Variants in ACSM2A observed in about 807,000 individuals in gnomAD.
ACSM2A encodes the protein acyl-coenzyme A synthetase ACSM2A, mitochondrial.
In ACSM2A, 72 loss-of-function variants were observed where a neutral mutation model predicts 76.6. The ratio of observed to expected loss-of-function variants is 0.94; its 90% confidence interval spans 0.78 to 1.14. The LOEUF is 1.14. ACSM2A is among the 50% of genes most tolerant of loss of function. The probability of loss-of-function intolerance (pLI) is 0.00; values close to 1 mark genes in which losing one functional copy is unlikely to be tolerated. For synonymous variants in ACSM2A, 249 were observed against 255.9 expected, an observed-to-expected ratio of 0.97 and a Z score of 0.26; for missense variants, 684 against 708.5, an observed-to-expected ratio of 0.97 and a Z score of 0.39.
Position 20,471,627 on chromosome 16 carries a change from G to C in ACSM2A, c.832G>C (p.Ala278Pro). 3 of 1,614,044 alleles carry C rather than the reference G, an allele frequency of 1.9e-6. No individual in the cohort carries two copies. The highest frequency in any genetic ancestry group is 2.7e-5 in the African/African-American group (2 of 75,026). The change falls in exon 6 of 14, where the codon GCA becomes CCA. Residue 278 changes from alanine to proline, a missense_variant. Transcript: ENST00000573854. The stretch of plus-strand genomic sequence containing the variant: ...CTTGTGCTCACTTATGGAACCTTGG[G>C]CATTAGGAGCATGCACATTTGTTCA... ...NILCSLMEPW[A>P]LGACTFVHLL...
chr16:20,458,193 T>C (rs2012311026), intron 1 of ACSM2A, among the ~76,000 whole-genome samples: 1 of 151,522 alleles, frequency 6.6e-6, no homozygotes, highest in East Asian at 1.9e-4. Flanking sequence ...TGCTCATGGA[T>C]GGGTAGAATA....
intron 4 of ACSM2A, chr16:20,470,836 A>G: frequency 1.5e-6 from 1 of 689,608 alleles, no homozygotes; most frequent in Non-Finnish European, 2.6e-6. Flanking sequence ...AGACACAGAG[A>G]CGTTAAATAA....
chr16:20,462,487 A>G (rs2012685557), intron 2 of ACSM2A, among the ~76,000 whole-genome samples: 1 of 152,232 alleles, frequency 6.6e-6, no homozygotes, highest in Admixed American at 6.5e-5. Context: ...CAACTCTATT[A>G]GCAAGGCTGT....
In ACSM2A at chr16:20,478,669, G is replaced by C. The variant is rs370024696; in HGVS notation, c.1273G>C (p.Gly425Arg). 9 of 1,611,748 alleles carry C rather than the reference G, an allele frequency of 5.6e-6. No homozygotes were observed. Among genetic ancestry groups the C allele is most frequent in the Non-Finnish European group, 7.6e-6 (9 of 1,178,406 alleles). ...KPIRPIGIFS[G>R]YVDNPDKTAA... Reference sequence around the variant, plus strand: ...CATCAGGCCTATAGGCATCTTCTCTGGCTATGTGGTGAGAAACTGTGCTCC... The same window carrying C: ...CATCAGGCCTATAGGCATCTTCTCTCGCTATGTGGTGAGAAACTGTGCTCC... The change falls in exon 10 of 14, where the codon GGC becomes CGC. Residue 425 changes from glycine (G) to arginine (R), a missense_variant. This residue lies in a region of ACSM2A where 519 missense variants were observed against 549.5 expected (regional missense o/e 0.94). Coordinates refer to ENST00000573854, the MANE Select transcript of ACSM2A (RefSeq NM_001308172.2).
At chr16:20,482,514 G>A (rs1389153873) in intron 12 of ACSM2A, 3 of 153,422 alleles carry the variant, frequency 2.0e-5, no homozygotes, top group Non-Finnish European at 4.4e-5. Context: ...TGTAAGCCTG[G>A]CACTATCATA....
chr16:20,478,659 C>A lies in ACSM2A; in HGVS notation c.1263C>A (p.Gly421=). The part of the protein sequence containing the change: ...GIRVKPIRPI[G]IFSGYVDNPD... ...GGGTCAAACCCATCAGGCCTATAGG[C>A]ATCTTCTCTGGCTATGTGGTGAGAA... is the stretch of plus-strand genomic sequence containing the variant. Residue 421 remains glycine (G), a synonymous_variant, in exon 10 of 14, where the codon GGC becomes GGA. Transcript: ENST00000573854. The A allele has an allele frequency of 6.2e-7, 1 of 1,613,066 alleles. No individual in the cohort carries two copies. Among genetic ancestry groups the A allele is most frequent in the Non-Finnish European group, 8.5e-7 (1 of 1,179,272 alleles).
rs1244356706 is a variant in ACSM2A at position 20,478,634 on chromosome 16, G to T, written c.1238G>T (p.Arg413Met). ...GGCACAGAAGGAGACATTGGCATCA[G>T]GGTCAAACCCATCAGGCCTATAGGC... ...PPGTEGDIGI[R>M]VKPIRPIGIF... is the part of the protein sequence containing the mutation. The change falls in exon 10 of 14, where the codon AGG becomes ATG. Residue 413 changes from arginine to methionine, a missense_variant. Physicochemically the swap from Arg to Met is moderately conservative, Grantham distance 91 (BLOSUM62 -1). Around this residue, in one of 3 missense-constraint regions of ACSM2A, gnomAD observed 519 missense variants for 549.5 expected, o/e 0.94. Coordinates refer to ENST00000573854, the MANE Select transcript of ACSM2A (RefSeq NM_001308172.2). 6.2e-7 allele frequency: 1 copy of T among 1,613,934 alleles called. No homozygotes were observed. The highest frequency in any genetic ancestry group is 2.2e-5 in the East Asian group (1 of 44,880).
At chr16:20,477,521 G>T in intron 9 of ACSM2A, 72 bp downstream of exon 9, 2 of 1,522,526 alleles carry the variant, frequency 1.3e-6, no homozygotes, top group Non-Finnish European at 8.8e-7. Flanking sequence ...GTTTTCCATT[G>T]TTTATTGAGT....
Position 20,483,110 on chromosome 16 carries a change from A to G in ACSM2A, c.1562A>G (p.Glu521Gly). 1.2e-6 allele frequency: 2 copies of G among 1,614,090 alleles called. No individual in the cohort carries two copies. Among genetic ancestry groups the G allele is most frequent in the Non-Finnish European group, 1.7e-6 (2 of 1,179,998 alleles). The change falls in exon 13 of 14, where the codon GAA becomes GGA. Residue 521 changes from glutamate (E) to glycine (G), a missense_variant. Glu to Gly is a moderately conservative substitution (Grantham distance 98, BLOSUM62 -2). This residue lies in a region of ACSM2A where 159 missense variants were observed against 132.5 expected (regional missense o/e 1.20). Coordinates refer to ENST00000573854, the MANE Select transcript of ACSM2A (RefSeq NM_001308172.2). ...LASQFLSHDPEQLTKELQQHV... is the reference protein window; with the variant it reads ...LASQFLSHDPGQLTKELQQHV... ...TCGCAGTTCCTGTCCCATGACCCAG[A>G]ACAGCTCACCAAGGAGCTGCAGCAG...
chr16:20,476,501 C>T lies in ACSM2A; in HGVS notation c.1098+728C>T, dbSNP rs1042077270. On this transcript the variant is annotated intron_variant, in intron 8 of 13. Transcript: ENST00000573854. ...ACGGCAGCTCTGTGGTATGAAAGAG[C>T]CAGGAAGAGCTCTGCAAATATGAAT... 7.7e-5 allele frequency: 76 copies of T among 985,248 alleles called. 1 individual carries two copies. Among genetic ancestry groups the T allele is most frequent in the Non-Finnish European group, 8.6e-5 (71 of 829,984 alleles). The allele number at this position is 985,248 out of a possible 1,614,324, so 61.0% of individuals were successfully genotyped here. A position where few individuals can be genotyped will look rare whatever the true frequency, so the allele number is the denominator to read the frequency against.
Position 20,482,870 on chromosome 16 carries a change from A to T in ACSM2A, c.1510-188A>T. On this transcript the variant is annotated intron_variant, in intron 12 of 13. Transcript: ENST00000573854. ...TCTTTTGTCCACCTGCTCCTCCAAT[A>T]AATGACTTCAGAGAGAGCTGTAACC... 3.5e-6 allele frequency: 3 copies of T among 851,802 alleles called. No homozygotes were observed. The South Asian group carries it at 6.9e-5, about 20-fold the overall frequency. 52.8% of individuals were successfully genotyped at this position (851,802 alleles called of 1,614,324 possible).
At chr16:20,486,199 C>A (rs138496509) in intron 13 of ACSM2A, among the ~76,000 whole-genome samples, 1,527 of 152,312 alleles carry the variant, frequency 0.01, 12 homozygotes, top group Non-Finnish European at 0.015. Flanking sequence ...TACTATTATC[C>A]TCCATCTTAC....
At chr16:20,477,688 A>C (rs1052827569) in intron 9 of ACSM2A, among the ~76,000 whole-genome samples, 1 of 152,242 alleles carries the variant, frequency 6.6e-6, no homozygotes, top group African/African-American at 2.4e-5. Context: ...CTAGCAAATT[A>C]GCTAGACAGT....
chr16:20,474,008 T>A (rs2013574773), intron 6 of ACSM2A: 4 of 447,212 alleles, frequency 8.9e-6, no homozygotes, highest in Non-Finnish European at 1.8e-5. Flanking sequence ...TAAATCTACC[T>A]ATAAGCTGGA....
rs766492272 is a variant in ACSM2A at position 20,483,024 on chromosome 16, A to G, written c.1510-34A>G. On this transcript the variant is annotated intron_variant, in intron 12 of 13. Transcript: ENST00000573854. ...ATTCCAGGAGATGACTACACACTCT[A>G]ATCCCTTCTCTCTGGCCTTCATCTT... The G allele has an allele frequency of 3.1e-5, 50 of 1,611,684 alleles. 1 individual carries two copies. Among genetic ancestry groups the G allele is most frequent in the Non-Finnish European group, 2.9e-5 (34 of 1,178,494 alleles).
intron 13 of ACSM2A, among the ~76,000 whole-genome samples, chr16:20,485,494 A>C (rs2014334885): frequency 6.6e-6 from 1 of 152,208 alleles, no homozygotes; most frequent in Admixed American, 6.5e-5. Flanking sequence ...TCGGGGCCCA[A>C]ATAGTAAATA....
At chr16:20,467,377 C>T (rs2013068287) in intron 3 of ACSM2A, among the ~76,000 whole-genome samples, 1 of 151,484 alleles carries the variant, frequency 6.6e-6, no homozygotes, top group African/African-American at 2.4e-5. Context: ...ACACTCAAAC[C>T]ATTGATGCAC....
chr16:20,473,752 T>C (rs978618081), intron 6 of ACSM2A, among the ~76,000 whole-genome samples: 2 of 152,068 alleles, frequency 1.3e-5, no homozygotes, highest in Admixed American at 1.3e-4. Context: ...TTTCAGGCCA[T>C]GATAGGAAGT....
intron 2 of ACSM2A, among the ~76,000 whole-genome samples, chr16:20,464,317 C>A (rs2883807): frequency 7.2e-5 from 11 of 152,118 alleles, no homozygotes; most frequent in African/African-American, 1.2e-4. Context: ...AATTTTCGGT[C>A]TCAGACTGTT....
Sources: allele counts gnomAD v4.1 joint callset (sites outside exome capture counted in the v4.1 genomes callset), GRCh38; gene constraint gnomAD v4.1.1; regional missense constraint gnomAD v4.1.1; transcripts MANE v1.5; gene names NCBI Gene and HGNC (gene_info 2026-07-23, HGNC 2026-07-21).